Variants in MB21D2 observed in about 807,000 individuals in gnomAD.
The protein encoded by MB21D2 is Mab-21 domain containing 2, also known as nucleotidyltransferase MB21D2.
In MB21D2, 9 loss-of-function variants were observed where a neutral mutation model predicts 33.3. That is an observed-to-expected ratio of 0.27 (90% CI 0.16 to 0.47). The LOEUF is 0.47. MB21D2 is among the 20% of genes least tolerant of loss of function. MB21D2 has a pLI of 0.99. For synonymous variants in MB21D2, 241 were observed against 236.3 expected (o/e 1.02, Z -0.18); for missense variants, 540 against 624.6 (o/e 0.86, Z 1.44).
At chr3:192,916,630 C>T (rs1714472036) in intron 1 of MB21D2, among the ~76,000 whole-genome samples, 1 of 152,238 alleles carries the variant, frequency 6.6e-6, no homozygotes, top group African/African-American at 2.4e-5. Context: ...AAGTTACAAC[C>T]CAGGCGCCTG....
In MB21D2 at chr3:192,798,928, C is replaced by T; in HGVS notation, c.934G>A (p.Ala312Thr). The change falls in exon 2 of 2, where the codon GCC (alanine) becomes ACC (threonine). Residue 312 changes from alanine to threonine, a missense_variant. Coordinates refer to ENST00000392452, the MANE Select transcript of MB21D2 (RefSeq NM_178496.4). This position sits in a 1 kb window ranked among gnomAD's most constrained non-coding sequence, Gnocchi z 4.8. ...AGTTTAATGATGATGGCTTTGCAGG[C>T]CTGATAGGCCTGCATGAGGCTGCTG... ...ISSSLMQAYQACKAIIIKLLS... is the reference protein window; with the variant it reads ...ISSSLMQAYQTCKAIIIKLLS... 1 of 1,613,822 alleles carries T rather than the reference C, an allele frequency of 6.2e-7. No individual in the cohort carries two copies. Among genetic ancestry groups the T allele is most frequent in the Non-Finnish European group, 8.5e-7 (1 of 1,179,896 alleles).
At chr3:192,885,219 G>C (rs947423688) in intron 1 of MB21D2, among the ~76,000 whole-genome samples, 17 of 152,108 alleles carry the variant, frequency 1.1e-4, no homozygotes, top group Non-Finnish European at 2.2e-4. Flanking sequence ...AAGAGATCTT[G>C]ATATAGACAA....
intron 1 of MB21D2, among the ~76,000 whole-genome samples, chr3:192,834,806 G>GCTC (rs1712397386): frequency 1.6e-5 from 2 of 126,406 alleles, no homozygotes; most frequent in African/African-American, 7.0e-5. Context: ...TGAGAGGATT[G>GCTC]TTCTTTTTTT....
intron 1 of MB21D2, among the ~76,000 whole-genome samples, chr3:192,837,110 T>C (rs903095827): frequency 3.3e-5 from 5 of 152,148 alleles, no homozygotes; most frequent in African/African-American, 9.7e-5. Flanking sequence ...GTTTAAAATA[T>C]GCCCTGTTTG....
intron 1 of MB21D2, among the ~76,000 whole-genome samples, chr3:192,912,977 G>A (rs1292765248): frequency 6.6e-6 from 1 of 152,210 alleles, no homozygotes; most frequent in East Asian, 1.9e-4. Context: ...AAGATTACAT[G>A]AGCTAATGGA....
chr3:192,828,382 T>C (rs1249650737), intron 1 of MB21D2, among the ~76,000 whole-genome samples: 3 of 151,180 alleles, frequency 2.0e-5, no homozygotes, highest in Non-Finnish European at 4.4e-5. Context: ...TGCTCTAGAA[T>C]GGGACAGGAG....
chr3:192,899,821 G>A (rs73201174), intron 1 of MB21D2, among the ~76,000 whole-genome samples: 6 of 150,562 alleles, frequency 4.0e-5, no homozygotes, highest in African/African-American at 1.5e-4. Flanking sequence ...TGGGCACCTC[G>A]TGTGTGGTAG....
rs79108843 is a variant in MB21D2, at chr3:192,873,017, C to G, written c.211+44613G>C. Among the ~76,000 whole-genome samples, 13 of 27,654 alleles carry G rather than the reference C, an allele frequency of 4.7e-4. 1 individual carries two copies. Among genetic ancestry groups the G allele is most frequent in the East Asian group, 5.7e-3 (2 of 350 alleles). 18.1% of individuals were successfully genotyped at this position (27,654 alleles called of 152,430 possible). On this transcript the variant is annotated intron_variant, in intron 1 of 1. Coordinates refer to ENST00000392452, the MANE Select transcript of MB21D2 (RefSeq NM_178496.4). ...TCACAAGTTTAGAAGACACCCCCCC[C>G]CACCAAGCAAGCAACTCAAAATGCT...
At chr3:192,803,046 A>G (rs1035753700) in intron 1 of MB21D2, among the ~76,000 whole-genome samples, 1 of 152,236 alleles carries the variant, frequency 6.6e-6, no homozygotes. Flanking sequence ...CTTGTGCATT[A>G]ACAACCTGGA....
intron 1 of MB21D2, among the ~76,000 whole-genome samples, chr3:192,870,726 A>AGG (rs1713275079): frequency 8.0e-6 from 1 of 125,036 alleles, no homozygotes; most frequent in Non-Finnish European, 1.6e-5. Context: ...AAAAGGAAGG[A>AGG]GAGAAGAAGG....
chr3:192,856,547 GTTTTTGT>G (rs1324011251), intron 1 of MB21D2, among the ~76,000 whole-genome samples: 3 of 151,938 alleles, frequency 2.0e-5, no homozygotes, highest in East Asian at 3.9e-4. Context: ...ACAGGGTTTT[GTTTTTGT>G]TTTTTGTTTT....
At chr3:192,869,300 A>AGGAGGGGC in intron 1 of MB21D2, among the ~76,000 whole-genome samples, 1 of 121,180 alleles carries the variant, frequency 8.3e-6, no homozygotes, top group Non-Finnish European at 1.6e-5. Context: ...GGAGGAGGGG[A>AGGAGGGGC]GGAGGGAAGG....
intron 1 of MB21D2, among the ~76,000 whole-genome samples, chr3:192,903,490 T>C (rs1714145293): frequency 6.6e-6 from 1 of 152,230 alleles, no homozygotes. Context: ...AAAAAGTTCA[T>C]AGTTATTTGC....
chr3:192,841,247 A>C (rs1241345879), intron 1 of MB21D2, among the ~76,000 whole-genome samples: 1 of 152,242 alleles, frequency 6.6e-6, no homozygotes, highest in Non-Finnish European at 1.5e-5. Context: ...CATGCATGCT[A>C]AAACAATATA....
At chr3:192,882,210 C>T (rs1274204482) in intron 1 of MB21D2, among the ~76,000 whole-genome samples, 7 of 151,912 alleles carry the variant, frequency 4.6e-5, no homozygotes, top group African/African-American at 1.7e-4. Flanking sequence ...ACTGCAACCT[C>T]CACCTCCTGG....
At chr3:192,820,606 C>T (rs1285919059) in intron 1 of MB21D2, among the ~76,000 whole-genome samples, 1 of 152,242 alleles carries the variant, frequency 6.6e-6, no homozygotes, top group Non-Finnish European at 1.5e-5. Flanking sequence ...GTCTGCGTAG[C>T]GGCCACTCAG....
intron 1 of MB21D2, among the ~76,000 whole-genome samples, chr3:192,864,339 C>A (rs554253600): frequency 6.6e-6 from 1 of 152,086 alleles, no homozygotes; most frequent in African/African-American, 2.4e-5. Flanking sequence ...TCCAGGAAAC[C>A]CCGCAGGTGC....
chr3:192,858,985 CAGTT>C (rs937066268), intron 1 of MB21D2, among the ~76,000 whole-genome samples: 28 of 152,332 alleles, frequency 1.8e-4, no homozygotes, highest in African/African-American at 6.0e-4. Context: ...TCTTAGGAAT[CAGTT>C]AGTCAACTTC....
intron 1 of MB21D2, among the ~76,000 whole-genome samples, chr3:192,862,904 A>T (rs1713081942): frequency 6.6e-6 from 1 of 152,202 alleles, no homozygotes; most frequent in Non-Finnish European, 1.5e-5. Context: ...CTCTGCCTCA[A>T]AAAATGGTGC....
Sources: allele counts gnomAD v4.1 joint callset (sites outside exome capture counted in the v4.1 genomes callset), GRCh38; gene constraint gnomAD v4.1.1; non-coding constraint Gnocchi (gnomAD v3.1); transcripts MANE v1.5; gene names NCBI Gene and HGNC (gene_info 2026-07-23, HGNC 2026-07-21).